Variants in USP15 observed in about 807,000 individuals in gnomAD.
The protein encoded by USP15 is ubiquitin specific peptidase 15, also known as ubiquitin carboxyl-terminal hydrolase 15.
In USP15, 18 loss-of-function variants were observed where a neutral mutation model predicts 127.1. That is an observed-to-expected ratio of 0.14 (90% CI 0.10 to 0.21). USP15 has a LOEUF of 0.21. Ranked by LOEUF, USP15 falls within the 10% of genes least tolerant of loss-of-function variation. USP15 has a pLI of 1.00. For synonymous variants in USP15, 364 were observed against 393.7 expected (o/e 0.92, Z 0.89); for missense variants, 805 against 1,159.9 (o/e 0.69, Z 4.44).
chr12:62,337,438 C>CGTTTT (rs570299257), intron 6 of USP15, among the ~76,000 whole-genome samples: 2 of 151,918 alleles, frequency 1.3e-5, no homozygotes, highest in Non-Finnish European at 2.9e-5. Context: ...GAGAAACTCC[C>CGTTTT]GTTTTGTTTT....
chr12:62,295,840 A>G (rs1472269736), intron 2 of USP15, among the ~76,000 whole-genome samples: 1 of 152,226 alleles, frequency 6.6e-6, no homozygotes, highest in Non-Finnish European at 1.5e-5. Flanking sequence ...ACTAACCCCC[A>G]GTGATCCTCA....
At chr12:62,275,709 G>T (rs1026897373) in intron 1 of USP15, among the ~76,000 whole-genome samples, 3 of 152,102 alleles carry the variant, frequency 2.0e-5, no homozygotes, top group African/African-American at 7.2e-5. Context: ...AAGGAAATTA[G>T]ATCCACAGCA....
intron 8 of USP15, 119 bp from the exon 9 acceptor site, chr12:62,381,371 A>G (rs2066984931): frequency 9.7e-6 from 8 of 821,204 alleles, no homozygotes; most frequent in Admixed American, 9.3e-5. Context: ...GCAAGAAACC[A>G]TCATTTAAAT....
Position 62,405,348 on chromosome 12 carries a change from C to A in USP15, c.*973C>A, listed in dbSNP as rs1323668690. The A allele has an allele frequency of 6.6e-6, 1 of 152,182 alleles. No homozygotes were observed. The highest frequency in any genetic ancestry group is 1.5e-5 in the Non-Finnish European group (1 of 67,982). The allele number at this position is 152,182 out of a possible 1,614,324, so 9.4% of individuals were successfully genotyped here. A position where few individuals can be genotyped will look rare whatever the true frequency, so the allele number is the denominator to read the frequency against. On this transcript the variant is annotated 3_prime_UTR_variant, in exon 22 of 22. Transcript: ENST00000280377. ...TACTGGCCTTTAAATCATTAATGGA[C>A]AATTGGCTATAAAGGTAGGTCTGTT... is the stretch of plus-strand genomic sequence containing the variant.
At chr12:62,354,211 TAATA>T (rs2066050222) in intron 7 of USP15, among the ~76,000 whole-genome samples, 3 of 151,828 alleles carry the variant, frequency 2.0e-5, no homozygotes, top group Admixed American at 2.0e-4. Context: ...ACTTTTATAA[TAATA>T]AAGTGAGAGC....
chr12:62,297,106 C>T (rs546614631), intron 2 of USP15, among the ~76,000 whole-genome samples: 1 of 152,292 alleles, frequency 6.6e-6, no homozygotes, highest in South Asian at 2.1e-4. Flanking sequence ...ACTGCCCATG[C>T]CTTTCAGTGT....
chr12:62,374,235 A>G (rs1004264132), intron 8 of USP15, among the ~76,000 whole-genome samples: 1 of 152,024 alleles, frequency 6.6e-6, no homozygotes, highest in Non-Finnish European at 1.5e-5. Flanking sequence ...TTTATTTAGA[A>G]TGGGCTTTTA....
intron 1 of USP15, among the ~76,000 whole-genome samples, chr12:62,269,692 A>T (rs1005097067): frequency 2.6e-5 from 4 of 152,030 alleles, no homozygotes; most frequent in African/African-American, 7.2e-5. Flanking sequence ...AAGTGTTGGG[A>T]TTATAGGCAT....
intron 3 of USP15, among the ~76,000 whole-genome samples, chr12:62,310,545 C>G (rs1592557867): frequency 6.6e-6 from 1 of 151,818 alleles, no homozygotes; most frequent in Non-Finnish European, 1.5e-5. Context: ...ATCCATGTTG[C>G]TCAAAAGACA....
intron 1 of USP15, among the ~76,000 whole-genome samples, chr12:62,283,422 T>TA (rs34073397): frequency 6.6e-5 from 10 of 151,128 alleles, no homozygotes; most frequent in Middle Eastern, 3.4e-3. Flanking sequence ...AATGTTGTCA[T>TA]AAAAAAAAAG....
intron 1 of USP15, among the ~76,000 whole-genome samples, chr12:62,275,239 A>C (rs951117683): frequency 6.6e-6 from 1 of 152,134 alleles, no homozygotes; most frequent in African/African-American, 2.4e-5. Flanking sequence ...ATACGATTCA[A>C]GAACTTGAGG....
chr12:62,276,507 T>C (rs560470322), intron 1 of USP15, among the ~76,000 whole-genome samples: 52 of 152,176 alleles, frequency 3.4e-4, no homozygotes, highest in African/African-American at 1.0e-3. Flanking sequence ...TTCCAAGATA[T>C]AAAGGGTAAT....
intron 7 of USP15, among the ~76,000 whole-genome samples, chr12:62,351,064 T>G (rs941495534): frequency 3.9e-5 from 6 of 152,192 alleles, no homozygotes; most frequent in African/African-American, 1.2e-4. Context: ...ATAATGATTC[T>G]GAGTGTTTGG....
chr12:62,282,157 A>G (rs1186442969), intron 1 of USP15, among the ~76,000 whole-genome samples: 2 of 151,992 alleles, frequency 1.3e-5, no homozygotes, highest in Non-Finnish European at 2.9e-5. Flanking sequence ...GTGATATCTC[A>G]TCTCTACAAA....
intron 20 of USP15, 35 bp from the exon 21 acceptor site, chr12:62,401,152 C>G: frequency 6.6e-7 from 1 of 1,516,524 alleles, no homozygotes; most frequent in Non-Finnish European, 9.1e-7. Flanking sequence ...AAACCAAGAT[C>G]ATTTTCGTCA....
At chr12:62,261,265 G>C (rs2137010835) in intron 1 of USP15, among the ~76,000 whole-genome samples, 2 of 152,238 alleles carry the variant, frequency 1.3e-5, no homozygotes, top group East Asian at 3.9e-4. Context: ...ATTCAAACTT[G>C]TAAAATACCA....
chr12:62,381,497 G>A lies in USP15; in HGVS notation c.923G>A (p.Ser308Asn). Residue 308 changes from serine (S) to asparagine (N), a missense_variant, in exon 9 of 22, where the codon AGC (serine) becomes AAC (asparagine). By Grantham distance (46) the Ser-to-Asn change is conservative. Transcript: ENST00000280377. Reference sequence around the variant, plus strand: ...ATATTTTATTTTTTGCAGTGTTTGAGCAACACACCTCCACTTACTGAGTAT... The same window carrying A: ...ATATTTTATTTTTTGCAGTGTTTGAACAACACACCTCCACTTACTGAGTAT... ...CFMNSAIQCL[S>N]NTPPLTEYFL... The A allele has an allele frequency of 6.3e-7, 1 of 1,598,916 alleles. No individual in the cohort carries two copies. The highest frequency in any genetic ancestry group is 8.5e-7 in the Non-Finnish European group (1 of 1,172,460).
chr12:62,273,224 A>G (rs1342562552), intron 1 of USP15, among the ~76,000 whole-genome samples: 2 of 152,072 alleles, frequency 1.3e-5, no homozygotes, highest in East Asian at 1.9e-4. Flanking sequence ...TTCAGAGGCT[A>G]AAACATTTTT....
intron 2 of USP15, among the ~76,000 whole-genome samples, chr12:62,299,233 G>C (rs7312416): frequency 0.86 from 130,323 of 152,124 alleles, 56,088 homozygotes; most frequent in African/African-American, 0.93. Flanking sequence ...ACCTCAGCCT[G>C]CCAAGTAGCT....
Sources: allele counts gnomAD v4.1 joint callset (sites outside exome capture counted in the v4.1 genomes callset), GRCh38; gene constraint gnomAD v4.1.1; transcripts MANE v1.5; gene names NCBI Gene and HGNC (gene_info 2026-07-23, HGNC 2026-07-21).